Variants in PRKN observed in about 807,000 individuals in gnomAD.
PRKN encodes the protein parkin RBR E3 ubiquitin protein ligase.
In PRKN, 56 loss-of-function variants were observed where a neutral mutation model predicts 59.5. The observed-to-expected ratio is 0.94, with a 90% CI of 0.76 to 1.18. The LOEUF is 1.18. Ranked by LOEUF, PRKN falls within the 50% of genes most tolerant of loss-of-function variation. The pLI is 0.00. For missense variants in PRKN, 657 were observed against 596.4 expected (o/e 1.10, Z -1.06); for synonymous variants, 250 against 222.1 (o/e 1.13, Z -1.12).
intron 1 of PRKN, among the ~76,000 whole-genome samples, chr6:162,643,266 C>T (rs545301494): frequency 7.2e-5 from 11 of 151,878 alleles, no homozygotes; most frequent in South Asian, 6.2e-4. Flanking sequence ...GGCATGGTGG[C>T]GCATGCCTGT....
At chr6:162,450,678 T>TA (rs1016164423) in intron 1 of PRKN, among the ~76,000 whole-genome samples, 4 of 152,184 alleles carry the variant, frequency 2.6e-5, no homozygotes, top group African/African-American at 9.6e-5. Flanking sequence ...AGGGACGTTG[T>TA]AAAAAACACC....
At chr6:161,615,336 G>T (rs577973501) in intron 7 of PRKN, among the ~76,000 whole-genome samples, 10 of 152,176 alleles carry the variant, frequency 6.6e-5, no homozygotes, top group Non-Finnish European at 1.5e-4. Flanking sequence ...CCAATAAAAA[G>T]TTGGTAGAAT....
intron 2 of PRKN, among the ~76,000 whole-genome samples, chr6:162,352,037 C>A (rs533120326): frequency 4.6e-5 from 7 of 152,244 alleles, no homozygotes; most frequent in East Asian, 1.9e-4. Flanking sequence ...TTCTAACATA[C>A]CCTACCGGGT....
At chr6:162,398,193 A>T (rs1787571661) in intron 2 of PRKN, among the ~76,000 whole-genome samples, 1 of 152,214 alleles carries the variant, frequency 6.6e-6, no homozygotes, top group East Asian at 1.9e-4. Flanking sequence ...TATGTAATAC[A>T]AACATGAAAA....
intron 2 of PRKN, among the ~76,000 whole-genome samples, chr6:162,383,120 C>T (rs189190687): frequency 1.1e-4 from 16 of 152,296 alleles, no homozygotes; most frequent in Non-Finnish European, 1.5e-5. Context: ...GAATCCACTT[C>T]TTCCAAACTC....
At chr6:161,708,153 C>A (rs566576551) in intron 7 of PRKN, among the ~76,000 whole-genome samples, 231 of 152,094 alleles carry the variant, frequency 1.5e-3, no homozygotes, top group African/African-American at 4.7e-3. Context: ...TTAGTGAATA[C>A]TAAGTTTAGT....
intron 5 of PRKN, among the ~76,000 whole-genome samples, chr6:161,981,603 C>G (rs919445498): frequency 1.3e-5 from 2 of 152,110 alleles, no homozygotes; most frequent in South Asian, 2.1e-4. Flanking sequence ...ATAAAAAAAG[C>G]CTTTAAAATA....
chr6:161,501,400 T>C (rs1435014309), intron 9 of PRKN, among the ~76,000 whole-genome samples: 2 of 152,222 alleles, frequency 1.3e-5, no homozygotes, highest in African/African-American at 4.8e-5. Context: ...CATATGCTTT[T>C]TTGCATCTGT....
chr6:162,001,846 GC>G (rs1337266683), intron 5 of PRKN, among the ~76,000 whole-genome samples: 4 of 111,886 alleles, frequency 3.6e-5, no homozygotes, highest in African/African-American at 1.7e-4. Flanking sequence ...TTTGCAAATA[GC>G]TTTTTTTTTT....
intron 1 of PRKN, among the ~76,000 whole-genome samples, chr6:162,483,722 A>T (rs775767558): frequency 6.6e-6 from 1 of 152,230 alleles, no homozygotes. Context: ...GGACAGCTCT[A>T]TCAAAATTAG....
intron 6 of PRKN, among the ~76,000 whole-genome samples, chr6:161,927,234 C>T (rs1388308442): frequency 6.6e-6 from 1 of 152,128 alleles, no homozygotes; most frequent in East Asian, 1.9e-4. Flanking sequence ...CATGTACATG[C>T]TTTTACTCAT....
rs1786912145 is a variant in PRKN, at chr6:161,399,116, A to G, written c.1084-12239T>C. On this transcript the variant is annotated intron_variant, in intron 9 of 11. Coordinates refer to ENST00000366898, the MANE Select transcript of PRKN (RefSeq NM_004562.3). The surrounding 1 kb of genome is among the most constrained non-coding windows in gnomAD (Gnocchi z 4.4). The stretch of plus-strand genomic sequence containing the variant: ...GGAGTTCTGCTGCAGACAGTTAGAG[A>G]GGAGATTGGCTGCTGGACGGCCCAA... Among the ~76,000 whole-genome samples the G allele has an allele frequency of 6.6e-6, 1 of 152,110 alleles. No homozygotes were observed.
At chr6:161,606,915 C>T (rs1270694532) in intron 7 of PRKN, among the ~76,000 whole-genome samples, 1 of 152,158 alleles carries the variant, frequency 6.6e-6, no homozygotes, top group African/African-American at 2.4e-5. Context: ...CCAGAGTAGC[C>T]CTACAGAGTG....
In PRKN at chr6:161,356,255, A is replaced by T. The variant is rs1161140052; in HGVS notation, c.1285+3833T>A. On this transcript the variant is annotated intron_variant, in intron 11 of 11. Transcript: ENST00000366898. This position sits in a 1 kb window ranked among gnomAD's most constrained non-coding sequence, Gnocchi z 7.8. ...GGGATGGTGTTGACAGTGCCCCCCA[A>T]CAGGAGGGCAGGGGTCTTTGGCAGG... 3.3e-5 allele frequency among the ~76,000 whole-genome samples: 5 copies of T among 152,288 alleles called. No individual in the cohort carries two copies. The highest frequency in any genetic ancestry group is 1.5e-5 in the Non-Finnish European group (1 of 68,018).
At chr6:162,183,616 C>T (rs1022279591) in intron 4 of PRKN, among the ~76,000 whole-genome samples, 1 of 152,128 alleles carries the variant, frequency 6.6e-6, no homozygotes, top group Non-Finnish European at 1.5e-5. Flanking sequence ...GGAAGGAATT[C>T]AATATGGTGA....
intron 2 of PRKN, among the ~76,000 whole-genome samples, chr6:162,315,833 A>C (rs1412086921): frequency 6.6e-6 from 1 of 152,200 alleles, no homozygotes; most frequent in Non-Finnish European, 1.5e-5. Flanking sequence ...TTTAGTCCAA[A>C]TCTATTTACT....
At chr6:162,600,824 T>C (rs1420277487) in intron 1 of PRKN, among the ~76,000 whole-genome samples, 3 of 152,184 alleles carry the variant, frequency 2.0e-5, no homozygotes, top group Non-Finnish European at 4.4e-5. Flanking sequence ...CCTTCCACCA[T>C]AATTGTAAGT....
chr6:162,627,890 T>C (rs1782957080), intron 1 of PRKN, among the ~76,000 whole-genome samples: 1 of 151,894 alleles, frequency 6.6e-6, no homozygotes, highest in African/African-American at 2.4e-5. Flanking sequence ...TGCCACTGTA[T>C]AGGATATAGC....
intron 4 of PRKN, among the ~76,000 whole-genome samples, chr6:162,081,091 C>T (rs1042032239): frequency 2.0e-5 from 3 of 152,092 alleles, no homozygotes; most frequent in Admixed American, 1.3e-4. Context: ...GCTATTTTCA[C>T]CTCATCTTCA....
Sources: gnomAD v4.1 joint callset for allele counts (sites outside exome capture counted in the v4.1 genomes callset) on GRCh38, gnomAD v4.1.1 for gene constraint, Gnocchi (gnomAD v3.1) non-coding constraint, MANE v1.5 for transcripts, NCBI Gene and HGNC (gene_info 2026-07-23, HGNC 2026-07-21) for gene names.